Variants in KCNQ1 observed in about 807,000 individuals in gnomAD.
KCNQ1 encodes potassium voltage-gated channel subfamily Q member 1, also known as potassium voltage-gated channel subfamily KQT member 1.
A neutral mutation model predicts 72.4 loss-of-function variants in KCNQ1; 49 were observed. The ratio of observed to expected loss-of-function variants is 0.68; its 90% CI spans 0.54 to 0.86. The LOEUF is 0.86. KCNQ1 is among the 40% of genes least tolerant of loss of function. The pLI is 0.00. For missense variants in KCNQ1, 790 were observed against 945.1 expected, an observed-to-expected ratio of 0.84 and a Z score of 2.15; for synonymous variants, 450 against 412.6, an observed-to-expected ratio of 1.09 and a Z score of -1.10.
At chr11:2,753,637 CTAACTT>C (rs1446371098) in intron 11 of KCNQ1, among the ~76,000 whole-genome samples, 1 of 152,208 alleles carries the variant, frequency 6.6e-6, no homozygotes, top group Non-Finnish European at 1.5e-5. Flanking sequence ...TCACGACTCT[CTAACTT>C]TAGAGCATTT....
rs1294169066 is a variant in KCNQ1, at chr11:2,562,366, G to T, written c.478-8262G>T. ...AAAGGGCGCTTTGAGCTGCCTGAGTGCCTGCATTGCCCTCCGGCCAGCTGA... is the reference window on the plus strand; with the variant it reads ...AAAGGGCGCTTTGAGCTGCCTGAGTTCCTGCATTGCCCTCCGGCCAGCTGA... On this transcript the variant is annotated intron_variant, in intron 2 of 15. Transcript: ENST00000155840. The surrounding 1 kb of genome is among the most constrained non-coding windows in gnomAD (Gnocchi z 7.5). Among the ~76,000 whole-genome samples, 1 of 152,170 alleles carries T rather than the reference G, an allele frequency of 6.6e-6. No individual in the cohort carries two copies. The highest frequency in any genetic ancestry group is 2.4e-5 in the African/African-American group (1 of 41,450).
intron 10 of KCNQ1, chr11:2,628,840 C>T: frequency 2.5e-6 from 1 of 398,236 alleles, no homozygotes; most frequent in East Asian, 3.6e-5. Flanking sequence ...TGTGGATATC[C>T]TGGTTTCACA....
chr11:2,521,832 G>A (rs897182548), intron 1 of KCNQ1, among the ~76,000 whole-genome samples: 7 of 152,240 alleles, frequency 4.6e-5, no homozygotes, highest in African/African-American at 1.7e-4. Flanking sequence ...GGGTCACCTG[G>A]ATCAACCAGG....
At position 2,526,233 on chromosome 11, in the gene KCNQ1, TG is replaced by T. The variant is rs932783394; in HGVS notation, c.387-1690del. Among the ~76,000 whole-genome samples the T allele has an allele frequency of 2.6e-5, 4 of 151,136 alleles. No homozygotes were observed. Among genetic ancestry groups the T allele is most frequent in the Admixed American group, 6.6e-5 (1 of 15,176 alleles). On this transcript the variant is annotated intron_variant, in intron 1 of 15. Coordinates refer to ENST00000155840, the MANE Select transcript of KCNQ1 (RefSeq NM_000218.3). The surrounding 1 kb of genome is among the most constrained non-coding windows in gnomAD (Gnocchi z 6.1). Reference sequence around the variant, plus strand: ...TCACTGACTGGCTGGGTGTGTGGGCTGGGGGCGCCGAGGGTGGAGGTGGGCA... The same window carrying T: ...TCACTGACTGGCTGGGTGTGTGGGCTGGGGCGCCGAGGGTGGAGGTGGGCA...
chr11:2,742,047 A>G (rs1489895673), intron 11 of KCNQ1, among the ~76,000 whole-genome samples: 1 of 152,258 alleles, frequency 6.6e-6, no homozygotes, highest in Non-Finnish European at 1.5e-5. Context: ...CTGTTGCAAG[A>G]CACTCTGCTG....
chr11:2,457,703 G>A lies in KCNQ1; in HGVS notation c.386+12219G>A, dbSNP rs552198917. 8.6e-5 allele frequency among the ~76,000 whole-genome samples: 13 copies of A among 151,836 alleles called. No homozygotes were observed. Among genetic ancestry groups the A allele is most frequent in the African/African-American group, 2.2e-4 (9 of 41,394 alleles). The stretch of plus-strand genomic sequence containing the variant: ...TGCGCACTACGTGGGAGACCGGATC[G>A]TTTGTACTCCAAACCTCAGCATCAT... On this transcript the variant is annotated intron_variant, in intron 1 of 15. Transcript: ENST00000155840. The surrounding 1 kb of genome is among the most constrained non-coding windows in gnomAD (Gnocchi z 5.0).
chr11:2,492,416 A>G lies in KCNQ1; in HGVS notation c.387-35512A>G, dbSNP rs186400092. Reference sequence around the variant, plus strand: ...ACGTGCAGGTTTGTTACATACGTATACAGTGCCATGGTGGTTTGCTGCACC... The same window carrying G: ...ACGTGCAGGTTTGTTACATACGTATGCAGTGCCATGGTGGTTTGCTGCACC... On this transcript the variant is annotated intron_variant, in intron 1 of 15. Coordinates refer to ENST00000155840, the MANE Select transcript of KCNQ1 (RefSeq NM_000218.3). The surrounding 1 kb of genome is among the most constrained non-coding windows in gnomAD (Gnocchi z 4.1). 2.3e-3 allele frequency among the ~76,000 whole-genome samples: 344 copies of G among 152,322 alleles called. No individual in the cohort carries two copies. The highest frequency in any genetic ancestry group is 3.3e-3 in the Non-Finnish European group (224 of 68,028).
chr11:2,644,685 T>C (rs1849639455), intron 10 of KCNQ1: 3 of 398,528 alleles, frequency 7.5e-6, no homozygotes, highest in Non-Finnish European at 1.3e-5. Flanking sequence ...TTCCAATTTT[T>C]TGATCTGTCT....
intron 15 of KCNQ1, among the ~76,000 whole-genome samples, chr11:2,845,217 C>T (rs1848300169): frequency 6.6e-6 from 1 of 152,150 alleles, no homozygotes; most frequent in Non-Finnish European, 1.5e-5. Flanking sequence ...CCCCGCCCCA[C>T]CCTGCCCTCT....
intron 11 of KCNQ1, chr11:2,686,529 C>T: frequency 5.0e-6 from 2 of 398,690 alleles, no homozygotes; most frequent in Non-Finnish European, 8.8e-6. Flanking sequence ...ACGGAAATGA[C>T]AGCTCCCAGC....
At chr11:2,846,534 C>T (rs1848332257) in intron 15 of KCNQ1, among the ~76,000 whole-genome samples, 1 of 152,172 alleles carries the variant, frequency 6.6e-6, no homozygotes, top group African/African-American at 2.4e-5. Context: ...CTCACTCATG[C>T]TAGGGCCCCC....
Position 2,657,087 on chromosome 11 carries a change from C to T in KCNQ1, c.1394-4874C>T. On this transcript the variant is annotated intron_variant, in intron 10 of 15. Transcript: ENST00000155840. The surrounding 1 kb of genome is among the most constrained non-coding windows in gnomAD (Gnocchi z 4.8). ...TCCTGTCCCATTGGCCTATTTGTCTCTCCCTGTGTCAATACCACATTGCCC... is the reference window on the plus strand; with the variant it reads ...TCCTGTCCCATTGGCCTATTTGTCTTTCCCTGTGTCAATACCACATTGCCC... 5.0e-6 allele frequency: 2 copies of T among 398,630 alleles called. No individual in the cohort carries two copies. The highest frequency in any genetic ancestry group is 8.8e-6 in the Non-Finnish European group (2 of 226,068). 24.7% of individuals were successfully genotyped at this position (398,630 alleles called of 1,614,324 possible). A position where few individuals can be genotyped will look rare whatever the true frequency, so the allele number is the denominator to read the frequency against.
rs889800242 is a variant in KCNQ1 at position 2,674,006 on chromosome 11, G to A, written c.1514+11925G>A. 3.0e-5 allele frequency: 12 copies of A among 398,380 alleles called. No individual in the cohort carries two copies. The South Asian group carries it at 5.1e-4, about 17-fold the overall frequency. The allele number at this position is 398,380 out of a possible 1,614,324, so 24.7% of individuals were successfully genotyped here. ...GGGTGGGGTGGGGGGAGGGCCCTCCGTGCTTTCTGGCTCTTTGGGCCTGGG... is the reference window on the plus strand; with the variant it reads ...GGGTGGGGTGGGGGGAGGGCCCTCCATGCTTTCTGGCTCTTTGGGCCTGGG... On this transcript the variant is annotated intron_variant, in intron 11 of 15. Transcript: ENST00000155840. This position sits in a 1 kb window ranked among gnomAD's most constrained non-coding sequence, Gnocchi z 5.9.
At chr11:2,522,270 T>TGG (rs34409744) in intron 1 of KCNQ1, among the ~76,000 whole-genome samples, 1 of 151,064 alleles carries the variant, frequency 6.6e-6, no homozygotes, top group African/African-American at 2.4e-5. Context: ...CCACATGAGC[T>TGG]GGGGGGGGGT....
Position 2,595,928 on chromosome 11 carries a change from G to A in KCNQ1, c.1393+7074G>A, listed in dbSNP as rs1452829090. Among the ~76,000 whole-genome samples, 4 of 152,128 alleles carry A rather than the reference G, an allele frequency of 2.6e-5. No individual in the cohort carries two copies. The highest frequency in any genetic ancestry group is 7.2e-5 in the African/African-American group (3 of 41,424). On this transcript the variant is annotated intron_variant, in intron 10 of 15. Coordinates refer to ENST00000155840, the MANE Select transcript of KCNQ1 (RefSeq NM_000218.3). This position sits in a 1 kb window ranked among gnomAD's most constrained non-coding sequence, Gnocchi z 5.0. The stretch of plus-strand genomic sequence containing the variant: ...GAACATTAGTGATTCATGGAAGAAC[G>A]TCAAAATATCAGCATTAACAGGAAT...
chr11:2,768,777 A>G lies in KCNQ1; in HGVS notation c.1515-67A>G, dbSNP rs1479453026. On this transcript the variant is annotated intron_variant, in intron 11 of 15. Transcript: ENST00000155840. The surrounding 1 kb of genome is among the most constrained non-coding windows in gnomAD (Gnocchi z 6.7). ...AGTCTGCGTGCTCCTCAGGCAGTGCAGGGGCAGTGAGGGGATGACCAGCAC... is the reference window on the plus strand; with the variant it reads ...AGTCTGCGTGCTCCTCAGGCAGTGCGGGGGCAGTGAGGGGATGACCAGCAC... The G allele has an allele frequency of 6.7e-6, 8 of 1,201,384 alleles. No homozygotes were observed. The highest frequency in any genetic ancestry group is 6.0e-5 in the African/African-American group (4 of 66,906). 74.4% of individuals were successfully genotyped at this position (1,201,384 alleles called of 1,614,324 possible). A position where few individuals can be genotyped will look rare whatever the true frequency, so the allele number is the denominator to read the frequency against.
intron 7 of KCNQ1, among the ~76,000 whole-genome samples, chr11:2,584,397 GTT>G (rs1265943096): frequency 6.7e-6 from 1 of 149,566 alleles, no homozygotes; most frequent in Non-Finnish European, 1.5e-5. Flanking sequence ...TAGTGTGTGG[GTT>G]TGTGTTTGTG....
chr11:2,645,547 C>T lies in KCNQ1; in HGVS notation c.1394-16414C>T, dbSNP rs1208495879. 1 of 398,638 alleles carries T rather than the reference C, an allele frequency of 2.5e-6. No homozygotes were observed. Among genetic ancestry groups the T allele is most frequent in the Non-Finnish European group, 4.4e-6 (1 of 226,220 alleles). 24.7% of individuals were successfully genotyped at this position (398,638 alleles called of 1,614,324 possible). ...CTCCTGGGGAAGTTGAGTGGGATTG[C>T]TTTCAGTGGCAGCAGCTATAAACAG... On this transcript the variant is annotated intron_variant, in intron 10 of 15. Coordinates refer to ENST00000155840, the MANE Select transcript of KCNQ1 (RefSeq NM_000218.3). This position sits in a 1 kb window ranked among gnomAD's most constrained non-coding sequence, Gnocchi z 5.8.
rs1846056461 is a variant in KCNQ1, at chr11:2,447,416, G to T, written c.386+1932G>T. Among the ~76,000 whole-genome samples, 1 of 152,106 alleles carries T rather than the reference G, an allele frequency of 6.6e-6. No individual in the cohort carries two copies. The highest frequency in any genetic ancestry group is 2.4e-5 in the African/African-American group (1 of 41,412). ...TTGTAAGACGTGTGCCTGGCCCTGGGAAGTTGTCATGAACAGCCTCCAACC... is the reference window on the plus strand; with the variant it reads ...TTGTAAGACGTGTGCCTGGCCCTGGTAAGTTGTCATGAACAGCCTCCAACC... On this transcript the variant is annotated intron_variant, in intron 1 of 15. Coordinates refer to ENST00000155840, the MANE Select transcript of KCNQ1 (RefSeq NM_000218.3). This position sits in a 1 kb window ranked among gnomAD's most constrained non-coding sequence, Gnocchi z 7.6.
Sources: gnomAD v4.1 joint callset for allele counts (sites outside exome capture counted in the v4.1 genomes callset) on GRCh38, gnomAD v4.1.1 for gene constraint, Gnocchi (gnomAD v3.1) non-coding constraint, MANE v1.5 for transcripts, NCBI Gene and HGNC (gene_info 2026-07-23, HGNC 2026-07-21) for gene names.